Variants in SPAG6 observed in about 807,000 individuals in gnomAD.
SPAG6 encodes the protein sperm associated antigen 6.
In SPAG6, 49 loss-of-function variants were observed where a neutral mutation model predicts 58.5. The ratio of observed to expected loss-of-function variants is 0.84; its 90% CI spans 0.67 to 1.06. The LOEUF is 1.06. Ranked by LOEUF, SPAG6 falls within the 50% of genes least tolerant of loss-of-function variation. The probability of loss-of-function intolerance (pLI) is 0.00; values close to 1 mark genes in which losing one functional copy is unlikely to be tolerated. For missense variants in SPAG6, 560 were observed against 611.3 expected (o/e 0.92, Z 0.89); for synonymous variants, 233 against 225.6 (o/e 1.03, Z -0.29).
intron 8 of SPAG6, among the ~76,000 whole-genome samples, chr10:22,398,549 A>C (rs1262439954): frequency 1.3e-5 from 2 of 152,186 alleles, no homozygotes; most frequent in Non-Finnish European, 2.9e-5. Context: ...CAACATAGTG[A>C]GACCCTATCT....
intron 5 of SPAG6, 75 bp from the exon 6 acceptor site, chr10:22,387,748 G>A (rs1247000788): frequency 2.1e-6 from 3 of 1,411,312 alleles, no homozygotes; most frequent in African/African-American, 2.9e-5. Flanking sequence ...ATATAAAACT[G>A]TTTACATTAC....
chr10:22,345,645 G>A lies in SPAG6; in HGVS notation c.25+9G>A. ...GAGGCAGGTGCTGCAAGGTAGGGCC[G>A]AGGCGGGCAGGTGCCCTAACTAGCT... On this transcript the variant is annotated intron_variant, in intron 1 of 10. Transcript: ENST00000376624. The surrounding 1 kb of genome is among the most constrained non-coding windows in gnomAD (Gnocchi z 6.3). 6.4e-7 allele frequency: 1 copy of A among 1,550,644 alleles called. No homozygotes were observed. The highest frequency in any genetic ancestry group is 2.4e-5 in the East Asian group (1 of 41,092).
At chr10:22,406,947 C>G (rs1052872977) in intron 9 of SPAG6, among the ~76,000 whole-genome samples, 22 of 151,642 alleles carry the variant, frequency 1.5e-4, no homozygotes, top group African/African-American at 5.4e-4. Flanking sequence ...TTATCAGAGA[C>G]TAGGATTGCA....
intron 2 of SPAG6, among the ~76,000 whole-genome samples, chr10:22,359,734 AG>A (rs1406471685): frequency 1.3e-5 from 2 of 152,232 alleles, no homozygotes; most frequent in Non-Finnish European, 1.5e-5. Flanking sequence ...AGCAGGTTAG[AG>A]GTAACCAAGG....
In SPAG6 at chr10:22,391,817, GAC is replaced by G; in HGVS notation, c.1099_1100del (p.Thr367SerfsTer2). ...GCTTGGGCCTTAGGACAGATTGGAA[GAC>G]ACACTCCTGAACACGCACGGGCTGT... On this transcript the variant is annotated frameshift_variant, in exon 8 of 11. Coordinates refer to ENST00000376624, the MANE Select transcript of SPAG6 (RefSeq NM_012443.4). LOFTEE classifies it high-confidence loss of function. 1.9e-6 allele frequency: 3 copies of G among 1,613,610 alleles called. No individual in the cohort carries two copies. Among genetic ancestry groups the G allele is most frequent in the East Asian group, 2.2e-5 (1 of 44,874 alleles).
intron 9 of SPAG6, among the ~76,000 whole-genome samples, chr10:22,404,867 G>A (rs996479988): frequency 1.3e-5 from 2 of 152,170 alleles, no homozygotes; most frequent in African/African-American, 4.8e-5. Context: ...TCCCTTGTAA[G>A]TTGGATTCCT....
intron 4 of SPAG6, among the ~76,000 whole-genome samples, chr10:22,376,684 G>A (rs1057387114): frequency 3.9e-5 from 6 of 152,016 alleles, no homozygotes; most frequent in South Asian, 2.1e-4. Context: ...CTCCCACATC[G>A]TGTGTCCTGG....
intron 2 of SPAG6, among the ~76,000 whole-genome samples, chr10:22,352,016 C>T (rs1836740003): frequency 6.6e-6 from 1 of 151,934 alleles, no homozygotes; most frequent in African/African-American, 2.4e-5. Flanking sequence ...AAAAATTAGC[C>T]GGGCGTGGTG....
chr10:22,349,330 A>G (rs1192936407), intron 2 of SPAG6, among the ~76,000 whole-genome samples: 1 of 152,082 alleles, frequency 6.6e-6, no homozygotes, highest in Admixed American at 6.5e-5. Context: ...CTCAAATTCT[A>G]TATGTTTGAA....
chr10:22,365,679 CT>C (rs779206895), intron 3 of SPAG6, among the ~76,000 whole-genome samples: 5 of 152,112 alleles, frequency 3.3e-5, no homozygotes, highest in Non-Finnish European at 5.9e-5. Context: ...AGGGATAGAG[CT>C]TTCTTGACAT....
intron 3 of SPAG6, among the ~76,000 whole-genome samples, chr10:22,366,039 C>T (rs939974327): frequency 3.3e-5 from 5 of 152,162 alleles, no homozygotes; most frequent in African/African-American, 4.8e-5. Flanking sequence ...TTTGTTACCA[C>T]GTGACTCAGC....
intron 4 of SPAG6, among the ~76,000 whole-genome samples, chr10:22,374,324 C>T (rs1237372418): frequency 6.6e-6 from 1 of 152,038 alleles, no homozygotes; most frequent in Non-Finnish European, 1.5e-5. Flanking sequence ...ACTAAGACCT[C>T]GTGTGTGGGA....
chr10:22,399,892 C>T (rs1333548991), intron 8 of SPAG6, among the ~76,000 whole-genome samples: 1 of 152,098 alleles, frequency 6.6e-6, no homozygotes, highest in African/African-American at 2.4e-5. Context: ...GAGTTTAATT[C>T]CAACTTACAT....
At chr10:22,373,292 G>A (rs897798370) in intron 4 of SPAG6, among the ~76,000 whole-genome samples, 2 of 152,170 alleles carry the variant, frequency 1.3e-5, no homozygotes, top group African/African-American at 2.4e-5. Context: ...AAGATGAGCT[G>A]GCAGCCCGAT....
At chr10:22,412,542 A>T (rs1174787680) in intron 10 of SPAG6, 2 of 1,184,188 alleles carry the variant, frequency 1.7e-6, no homozygotes, top group African/African-American at 3.1e-5. Flanking sequence ...TGAAATATTA[A>T]TATATATGAT....
At chr10:22,379,093 T>TTG (rs1243623843) in intron 4 of SPAG6, among the ~76,000 whole-genome samples, 5 of 152,136 alleles carry the variant, frequency 3.3e-5, no homozygotes, top group East Asian at 1.9e-4. Context: ...AAAATGACAT[T>TTG]TGTGTGTGTG....
intron 2 of SPAG6, among the ~76,000 whole-genome samples, 181 bp from the exon 3 acceptor site, chr10:22,364,672 G>A (rs1052128253): frequency 3.9e-5 from 6 of 152,036 alleles, no homozygotes; most frequent in African/African-American, 1.5e-4. Context: ...AACAATGATC[G>A]CTTGTATTAT....
intron 10 of SPAG6, among the ~76,000 whole-genome samples, chr10:22,415,271 A>G (rs1834841286): frequency 6.6e-6 from 1 of 150,600 alleles, no homozygotes; most frequent in African/African-American, 2.4e-5. Context: ...TATTTATTAC[A>G]TTAAAATATA....
In SPAG6 at chr10:22,345,532, A is replaced by T; in HGVS notation, c.-80A>T. 7.9e-7 allele frequency: 1 copy of T among 1,268,764 alleles called. No individual in the cohort carries two copies. Among genetic ancestry groups the T allele is most frequent in the Non-Finnish European group, 1.1e-6 (1 of 929,624 alleles). 78.6% of individuals were successfully genotyped at this position (1,268,764 alleles called of 1,614,324 possible). ...TCCCGTCGGAGGCCGAGTCGTCGCCACGATCGCCCCCTTGGTGGACTCGCA... is the reference window on the plus strand; with the variant it reads ...TCCCGTCGGAGGCCGAGTCGTCGCCTCGATCGCCCCCTTGGTGGACTCGCA... On this transcript the variant is annotated 5_prime_UTR_variant, in exon 1 of 11. Coordinates refer to ENST00000376624, the MANE Select transcript of SPAG6 (RefSeq NM_012443.4). The surrounding 1 kb of genome is among the most constrained non-coding windows in gnomAD (Gnocchi z 6.3).
Sources: gnomAD v4.1 joint callset for allele counts (sites outside exome capture counted in the v4.1 genomes callset) on GRCh38, gnomAD v4.1.1 for gene constraint, Gnocchi (gnomAD v3.1) non-coding constraint, MANE v1.5 for transcripts, NCBI Gene and HGNC (gene_info 2026-07-23, HGNC 2026-07-21) for gene names.